COL11A1: variants seen among roughly 807,000 people sequenced by gnomAD.
The protein encoded by COL11A1 is collagen type XI alpha 1 chain.
Under a neutral mutation model 265.2 loss-of-function variants are expected in COL11A1, and 74 were observed. That is an observed-to-expected ratio of 0.28 (90% CI 0.23 to 0.34). The LOEUF (loss-of-function observed/expected upper bound fraction) is 0.34, where lower values mean the gene tolerates loss of function less well. Ranked by LOEUF, COL11A1 falls within the 10% of genes least tolerant of loss-of-function variation. COL11A1 has a pLI of 1.00. For missense variants in COL11A1, 2,165 were observed against 2,263.6 expected, an observed-to-expected ratio of 0.96 and a Z score of 0.88; for synonymous variants, 816 against 727.6, an observed-to-expected ratio of 1.12 and a Z score of -1.96.
chr1:103,014,344 T>C (rs759337230), intron 13 of COL11A1, among the ~76,000 whole-genome samples, 167 bp downstream of exon 13: 1 of 152,176 alleles, frequency 6.6e-6, no homozygotes, highest in Admixed American at 6.6e-5. Context: ...TAATAAACAT[T>C]ACTACTAGAA....
intron 62 of COL11A1, among the ~76,000 whole-genome samples, chr1:102,888,369 C>T (rs1182945171): frequency 8.5e-5 from 13 of 152,058 alleles, no homozygotes; most frequent in Admixed American, 5.9e-4. Context: ...CTATAATATA[C>T]AATTAAGGCA....
intron 53 of COL11A1, among the ~76,000 whole-genome samples, chr1:102,912,670 A>T (rs1318356057): frequency 6.6e-6 from 1 of 152,158 alleles, no homozygotes; most frequent in Non-Finnish European, 1.5e-5. Flanking sequence ...TCCCTACCCA[A>T]ATCTCATCTT....
intron 4 of COL11A1, among the ~76,000 whole-genome samples, chr1:103,072,846 A>T (rs1357338382): frequency 2.0e-5 from 3 of 151,740 alleles, no homozygotes; most frequent in Non-Finnish European, 4.4e-5. Context: ...GATAAATACT[A>T]AATTTCATCC....
At chr1:103,068,002 T>G (rs1306789372) in intron 4 of COL11A1, among the ~76,000 whole-genome samples, 1 of 151,624 alleles carries the variant, frequency 6.6e-6, no homozygotes, top group East Asian at 1.9e-4. Context: ...CACTGGTTAA[T>G]TCTATCCAGT....
intron 46 of COL11A1, among the ~76,000 whole-genome samples, chr1:102,927,915 C>T (rs1284112525): frequency 1.3e-5 from 2 of 152,124 alleles, no homozygotes; most frequent in Admixed American, 6.5e-5. Context: ...TCTCAAAATG[C>T]TTTCAATTTT....
At chr1:102,960,439 T>C (rs1399320102) in intron 41 of COL11A1, among the ~76,000 whole-genome samples, 2 of 151,010 alleles carry the variant, frequency 1.3e-5, no homozygotes, top group Non-Finnish European at 2.9e-5. Flanking sequence ...TATATTCCAA[T>C]GTAATTTCTA....
chr1:103,017,016 A>G (rs1223906723), intron 11 of COL11A1, among the ~76,000 whole-genome samples: 4 of 152,048 alleles, frequency 2.6e-5, no homozygotes, highest in Non-Finnish European at 5.9e-5. Context: ...TGGGATTTAA[A>G]AATATTAACT....
chr1:103,103,171 A>T (rs2376281), intron 1 of COL11A1, among the ~76,000 whole-genome samples: 74,567 of 150,676 alleles, frequency 0.49, 21,535 homozygotes, highest in East Asian at 0.92. Flanking sequence ...CCACTTGTTT[A>T]AAAAAAAACT....
At chr1:103,005,765 AT>A in intron 18 of COL11A1, 72 bp downstream of exon 18, 1 of 1,566,118 alleles carries the variant, frequency 6.4e-7, no homozygotes. Flanking sequence ...TCTTTTTCTG[AT>A]TTTGCAAATT....
chr1:103,074,855 C>CATTTTTA, intron 3 of COL11A1, 75 bp from the exon 4 acceptor site: 1 of 1,508,530 alleles, frequency 6.6e-7, no homozygotes, highest in Non-Finnish European at 9.2e-7. Context: ...CATAAAAATG[C>CATTTTTA]TGTGTATTTT....
chr1:102,934,391 A>T (rs1371985813), intron 46 of COL11A1, 58 bp downstream of exon 46: 4 of 1,260,594 alleles, frequency 3.2e-6, no homozygotes, highest in Non-Finnish European at 4.7e-6. Context: ...CATCCACCAG[A>T]AAACCTGGTG....
In COL11A1 at chr1:102,879,826, T is replaced by C; in HGVS notation, c.5131A>G (p.Thr1711Ala). Residue 1711 changes from threonine (T) to alanine (A), a missense_variant, in exon 66 of 67, where the codon ACC (threonine) becomes GCC (alanine). Transcript: ENST00000370096. ...LLTASARQNF[T>A]YHCHQSAAWY... ...GCTGCTGACTGATGACAGTGGTAGG[T>C]GAAATTTTGCCGAGCAGAGGCAGTC... 2 of 1,613,832 alleles carry C rather than the reference T, an allele frequency of 1.2e-6. No individual in the cohort carries two copies. The highest frequency in any genetic ancestry group is 1.7e-6 in the Non-Finnish European group (2 of 1,179,888).
chr1:103,033,395 TA>T (rs1287051712), intron 4 of COL11A1, among the ~76,000 whole-genome samples: 1 of 152,094 alleles, frequency 6.6e-6, no homozygotes, highest in Non-Finnish European at 1.5e-5. Flanking sequence ...ACTATAGCCT[TA>T]TAGGTTTCGT....
chr1:103,058,094 A>G (rs947214439), intron 4 of COL11A1, among the ~76,000 whole-genome samples: 10 of 152,204 alleles, frequency 6.6e-5, no homozygotes, highest in Non-Finnish European at 1.3e-4. Context: ...AGCAGCTTTC[A>G]ACAATTTACC....
chr1:102,973,371 G>A (rs935036455), intron 36 of COL11A1, among the ~76,000 whole-genome samples: 1 of 151,952 alleles, frequency 6.6e-6, no homozygotes. Flanking sequence ...TAACACAATG[G>A]GCTGAAAAAG....
intron 20 of COL11A1, 108 bp from the exon 21 acceptor site, chr1:103,003,376 G>T: frequency 8.2e-7 from 1 of 1,220,100 alleles, no homozygotes; most frequent in Non-Finnish European, 1.2e-6. Flanking sequence ...AAAAATATTT[G>T]GACATCTTTT....
chr1:103,099,612 T>A (rs955566197), intron 1 of COL11A1, among the ~76,000 whole-genome samples: 4 of 151,660 alleles, frequency 2.6e-5, no homozygotes, highest in Admixed American at 2.6e-4. Flanking sequence ...AATGATCGAT[T>A]TTACAGATTG....
rs187168126 is a variant in COL11A1, at chr1:102,884,569, T to C, written c.4859-1258A>G. ...AAGATGCAAATGGTTGGAGTTTAAC[T>C]GGTAAATAACCTTCCTCTGGGAACA... On this transcript the variant is annotated intron_variant, in intron 63 of 66. Transcript: ENST00000370096. 12 of 152,312 alleles carry C rather than the reference T, an allele frequency of 7.9e-5. No individual in the cohort carries two copies. The South Asian group carries it at 1.0e-3, about 13-fold the overall frequency. 9.4% of individuals were successfully genotyped at this position (152,312 alleles called of 1,614,324 possible).
chr1:102,947,060 A>G, intron 41 of COL11A1, 104 bp from the exon 42 acceptor site: 1 of 949,304 alleles, frequency 1.1e-6, no homozygotes, highest in South Asian at 1.4e-5. Flanking sequence ...ATTATGTTAA[A>G]GAAACATTTA....
Sources: allele counts gnomAD v4.1 joint callset (sites outside exome capture counted in the v4.1 genomes callset), GRCh38; gene constraint gnomAD v4.1.1; transcripts MANE v1.5; gene names NCBI Gene and HGNC (gene_info 2026-07-23, HGNC 2026-07-21).